LIFR: variants seen among roughly 807,000 people sequenced by gnomAD.
The protein encoded by LIFR is leukemia inhibitory factor receptor.
Under a neutral mutation model 122.2 loss-of-function variants are expected in LIFR, and 84 were observed. That is an observed-to-expected ratio of 0.69 (90% CI 0.58 to 0.82). LIFR has a LOEUF of 0.82. Ranked by LOEUF, LIFR falls within the 40% of genes least tolerant of loss-of-function variation. LIFR has a pLI of 0.00. For synonymous variants in LIFR, 422 were observed against 434.7 expected (o/e 0.97, Z 0.36); for missense variants, 1,294 against 1,311.6 (o/e 0.99, Z 0.21).
At chr5:38,508,151 G>C (rs988240759) in intron 7 of LIFR, among the ~76,000 whole-genome samples, 2 of 152,040 alleles carry the variant, frequency 1.3e-5, no homozygotes, top group Admixed American at 1.3e-4. Flanking sequence ...AATTTGAGAG[G>C]ACAGTATTTG....
intron 1 of LIFR, among the ~76,000 whole-genome samples, chr5:38,554,807 T>C (rs1748427129): frequency 6.6e-6 from 1 of 152,244 alleles, no homozygotes; most frequent in Non-Finnish European, 1.5e-5. Context: ...CCAGTGTGAA[T>C]AGATTACCTG....
At chr5:38,483,164 G>A (rs1215771864) in intron 18 of LIFR, among the ~76,000 whole-genome samples, 1 of 150,722 alleles carries the variant, frequency 6.6e-6, no homozygotes, top group Non-Finnish European at 1.5e-5. Flanking sequence ...TGATAGCCAC[G>A]TGTCACGAGT....
At position 38,504,076 on chromosome 5, in the gene LIFR, G is replaced by C; in HGVS notation, c.1337C>G (p.Ser446Ter). ...ATGCCAAGAAAGTTTAACAGCTGTTGAATTAATATCCTTCACTTTGAATGA... is the reference window on the plus strand; with the variant it reads ...ATGCCAAGAAAGTTTAACAGCTGTTCAATTAATATCCTTCACTTTGAATGA... ...PTSFKVKDINSTAVKLSWHLP... is the reference protein window; with the variant it reads ...PTSFKVKDIN Residue 446 changes from serine (S) to a stop codon, truncating the protein, a stop_gained, in exon 10 of 20, where the codon TCA (serine) becomes TGA (stop). Transcript: ENST00000453190. LOFTEE classifies it high-confidence loss of function. 2 of 1,586,628 alleles carry C rather than the reference G, an allele frequency of 1.3e-6. No homozygotes were observed. The highest frequency in any genetic ancestry group is 1.7e-6 in the Non-Finnish European group (2 of 1,155,308).
At chr5:38,532,773 A>C (rs781048081) in intron 1 of LIFR, among the ~76,000 whole-genome samples, 1 of 152,212 alleles carries the variant, frequency 6.6e-6, no homozygotes, top group Non-Finnish European at 1.5e-5. Flanking sequence ...ACAATACATG[A>C]ACAGAGCCTT....
chr5:38,495,846 T>C (rs1031669404), intron 13 of LIFR, among the ~76,000 whole-genome samples: 4 of 152,198 alleles, frequency 2.6e-5, no homozygotes, highest in African/African-American at 9.6e-5. Context: ...TTTTAAAAAC[T>C]ACACCACAGT....
chr5:38,548,880 A>C (rs893206601), intron 1 of LIFR, among the ~76,000 whole-genome samples: 5 of 152,244 alleles, frequency 3.3e-5, no homozygotes, highest in Non-Finnish European at 7.3e-5. Context: ...TAAAACTTAC[A>C]TAACACAATT....
chr5:38,557,564 A>G (rs529897612), upstream of LIFR: 1 of 154,948 alleles, frequency 6.5e-6, no homozygotes, highest in East Asian at 1.9e-4. Context: ...CACCTTGAGT[A>G]GGAAACAGGC....
chr5:38,553,670 ATAT>A (rs1748361206), intron 1 of LIFR, among the ~76,000 whole-genome samples: 1 of 110,442 alleles, frequency 9.1e-6, no homozygotes, highest in East Asian at 3.0e-4. Context: ...ATATATATAT[ATAT>A]TATATGTATG....
At chr5:38,497,493 A>C (rs937420464) in intron 12 of LIFR, among the ~76,000 whole-genome samples, 2 of 152,254 alleles carry the variant, frequency 1.3e-5, no homozygotes, top group Non-Finnish European at 2.9e-5. Context: ...ACTATCCAGA[A>C]GCACTGCTCT....
At chr5:38,576,132 C>T (rs1174764798) in intron 1 of LIFR, among the ~76,000 whole-genome samples, 2 of 152,064 alleles carry the variant, frequency 1.3e-5, no homozygotes, top group African/African-American at 4.8e-5. Flanking sequence ...GCCTCTGTTT[C>T]CTCATCTCTA....
chr5:38,512,455 C>CA (rs1745851272), intron 5 of LIFR, among the ~76,000 whole-genome samples: 1 of 150,446 alleles, frequency 6.6e-6, no homozygotes, highest in African/African-American at 2.4e-5. Context: ...CCCATCTCTA[C>CA]AAAAAAATAA....
At chr5:38,585,332 A>C (rs1289866533) in intron 1 of LIFR, among the ~76,000 whole-genome samples, 1 of 152,240 alleles carries the variant, frequency 6.6e-6, no homozygotes, top group Non-Finnish European at 1.5e-5. Context: ...TGAGGAACAG[A>C]TCAAAAGGGG....
chr5:38,538,429 C>CT (rs1358511386), intron 1 of LIFR, among the ~76,000 whole-genome samples: 1 of 152,206 alleles, frequency 6.6e-6, no homozygotes, highest in Middle Eastern at 3.2e-3. Context: ...AGTAAGGTTC[C>CT]TTCAGGCATG....
intron 2 of LIFR, 60 bp downstream of exon 2, chr5:38,530,446 G>A (rs572489219): frequency 3.0e-5 from 44 of 1,477,856 alleles, no homozygotes; most frequent in Middle Eastern, 1.9e-4. Context: ...AAATTGCTTC[G>A]TCATCAAAAT....
At position 38,475,979 on chromosome 5, in the gene LIFR, C is replaced by T. The variant is rs375363202; in HGVS notation, c.*5616G>A. The T allele has an allele frequency of 4.5e-5, 9 of 198,842 alleles. No individual in the cohort carries two copies. The highest frequency in any genetic ancestry group is 7.8e-5 in the East Asian group (1 of 12,876). The allele number at this position is 198,842 out of a possible 1,614,324, so 12.3% of individuals were successfully genotyped here. ...TGAGAAAATAACAGGATAAAACAAA[C>T]GCCAGGAAGGGCATCAATCACATAA... On this transcript the variant is annotated 3_prime_UTR_variant, in exon 20 of 20. Coordinates refer to ENST00000453190, the MANE Select transcript of LIFR (RefSeq NM_001127671.2).
chr5:38,530,698 C>G (rs1322946340), intron 1 of LIFR, 32 bp from the exon 2 acceptor site: 1 of 1,594,192 alleles, frequency 6.3e-7, no homozygotes, highest in Non-Finnish European at 8.6e-7. Flanking sequence ...AGATGGTGTT[C>G]AGATTGTTCT....
chr5:38,548,927 T>C (rs1201469862), intron 1 of LIFR, among the ~76,000 whole-genome samples: 1 of 152,178 alleles, frequency 6.6e-6, no homozygotes, highest in Non-Finnish European at 1.5e-5. Flanking sequence ...AATAGAATAC[T>C]GGCTTTAATC....
chr5:38,531,035 T>G, intron 1 of LIFR: 1 of 176,056 alleles, frequency 5.7e-6, no homozygotes, highest in South Asian at 1.5e-4. Context: ...GATACCTGGA[T>G]TGATATTTTT....
In LIFR at chr5:38,484,848, T is replaced by C. The variant is rs1439102449; in HGVS notation, c.2518A>G (p.Ile840Val). ...ACAGCCACTGCCACTGGGATGAGAATGGCAATAATTAATCCCACAGCTGAA... is the reference window on the plus strand; with the variant it reads ...ACAGCCACTGCCACTGGGATGAGAACGGCAATAATTAATCCCACAGCTGAA... ...KENSVGLIIA[I>V]LIPVAVAVIV... The change falls in exon 18 of 20, where the codon ATT (isoleucine) becomes GTT (valine). Residue 840 changes from isoleucine (I) to valine (V), a missense_variant. Physicochemically the swap from Ile to Val is conservative, Grantham distance 29. Coordinates refer to ENST00000453190, the MANE Select transcript of LIFR (RefSeq NM_001127671.2). 2.5e-6 allele frequency: 4 copies of C among 1,612,930 alleles called. No homozygotes were observed. Among genetic ancestry groups the C allele is most frequent in the African/African-American group, 1.3e-5 (1 of 74,910 alleles).
Sources: allele counts gnomAD v4.1 joint callset (sites outside exome capture counted in the v4.1 genomes callset), GRCh38; gene constraint gnomAD v4.1.1; transcripts MANE v1.5; gene names NCBI Gene and HGNC (gene_info 2026-07-23, HGNC 2026-07-21).